The following CBL variants were observed in gnomAD, a reference collection of about 807,000 sequenced individuals.
CBL encodes the protein Cbl proto-oncogene.
Under a neutral mutation model 96.9 loss-of-function variants are expected in CBL, and 45 were observed. The observed-to-expected ratio is 0.46, with a 90% CI of 0.37 to 0.60. CBL has a LOEUF of 0.60. Among genes scored for constraint, CBL ranks in the 20% least tolerant of loss-of-function variants. CBL has a pLI of 0.00. For missense variants in CBL, 1,024 were observed against 1,143.5 expected, an observed-to-expected ratio of 0.90 and a Z score of 1.51; for synonymous variants, 420 against 426.8, an observed-to-expected ratio of 0.98 and a Z score of 0.20.
At chr11:119,244,599 T>TTTTTTTTTTTTTTTTTTTG in intron 2 of CBL, among the ~76,000 whole-genome samples, 1 of 148,242 alleles carries the variant, frequency 6.7e-6, no homozygotes, top group African/African-American at 2.5e-5. Context: ...TTTTTTTTTT[T>TTTTTTTTTTTTTTTTTTTG]GAGACGGAGT....
At chr11:119,236,622 T>TAC (rs1555226924) in intron 2 of CBL, among the ~76,000 whole-genome samples, 37 of 144,308 alleles carry the variant, frequency 2.6e-4, no homozygotes, top group Admixed American at 9.8e-4. Flanking sequence ...TATATATATA[T>TAC]ACCCATAGGA....
At chr11:119,273,813 G>T in intron 3 of CBL, 55 bp from the exon 4 acceptor site, 2 of 1,491,376 alleles carry the variant, frequency 1.3e-6, no homozygotes, top group East Asian at 2.3e-5. Flanking sequence ...TTATGGCGAT[G>T]CCTGGAATTA....
intron 2 of CBL, among the ~76,000 whole-genome samples, chr11:119,262,366 T>C (rs1949760893): frequency 6.6e-6 from 1 of 152,188 alleles, no homozygotes; most frequent in African/African-American, 2.4e-5. Context: ...TGGAAAAAAC[T>C]GGTGAAGCCT....
Position 119,274,731 on chromosome 11 carries a change from CAATG to C in CBL, c.748-98_748-95del, listed in dbSNP as rs1216472778. The C allele has an allele frequency of 1.4e-5, 16 of 1,116,400 alleles. No homozygotes were observed. The East Asian group carries it at 3.5e-4, about 25-fold the overall frequency. The allele number at this position is 1,116,400 out of a possible 1,614,324, so 69.2% of individuals were successfully genotyped here. On this transcript the variant is annotated intron_variant, in intron 4 of 15. Transcript: ENST00000264033. ...TGATGGTATAATTAAAAATTTCTGA[CAATG>C]AACTGAGAGTTGGTGTTGTTTTTTT...
At chr11:119,219,814 G>C (rs969758325) in intron 1 of CBL, among the ~76,000 whole-genome samples, 1 of 150,740 alleles carries the variant, frequency 6.6e-6, no homozygotes, top group Admixed American at 6.6e-5. Flanking sequence ...CTCCCAAGTA[G>C]CTGGGATTAT....
intron 1 of CBL, among the ~76,000 whole-genome samples, chr11:119,227,268 G>C (rs1414196337): frequency 6.6e-6 from 1 of 152,122 alleles, no homozygotes; most frequent in Non-Finnish European, 1.5e-5. Flanking sequence ...GTTTAAGGTA[G>C]GCTAGCTAAG....
intron 2 of CBL, among the ~76,000 whole-genome samples, chr11:119,266,956 G>A (rs928998285): frequency 3.3e-5 from 5 of 152,150 alleles, no homozygotes; most frequent in African/African-American, 9.7e-5. Context: ...GTGAGTTAAG[G>A]TAACTGCTGA....
At chr11:119,283,746 T>C (rs1949958107) in intron 9 of CBL, among the ~76,000 whole-genome samples, 1 of 143,848 alleles carries the variant, frequency 7.0e-6, no homozygotes, top group South Asian at 2.3e-4. Context: ...CATGCCATTC[T>C]CCTGCCTCAG....
chr11:119,293,843 G>C (rs868373571), intron 12 of CBL, among the ~76,000 whole-genome samples: 1 of 152,174 alleles, frequency 6.6e-6, no homozygotes, highest in African/African-American at 2.4e-5. Context: ...CTTGTAACCA[G>C]GCATCAGCAT....
intron 2 of CBL, among the ~76,000 whole-genome samples, chr11:119,264,428 C>CTTCTCTTCTCTTCTCTTCTCTTCTCTTCT (rs1565868319): frequency 1.2e-4 from 13 of 105,826 alleles, no homozygotes; most frequent in Non-Finnish European, 1.7e-4. Context: ...CTTCTCTTCT[C>CTTCTCTTCTCTTCTCTTCTCTTCTCTTCT]TTCTCTTCTC....
chr11:119,208,083 T>G (rs1213682519), intron 1 of CBL, among the ~76,000 whole-genome samples: 1 of 152,204 alleles, frequency 6.6e-6, no homozygotes, highest in Non-Finnish European at 1.5e-5. Flanking sequence ...ATTGGTGGTG[T>G]AGTACTAATT....
At chr11:119,273,189 C>T (rs1176037676) in intron 3 of CBL, among the ~76,000 whole-genome samples, 9 of 152,102 alleles carry the variant, frequency 5.9e-5, no homozygotes, top group Non-Finnish European at 1.5e-5. Context: ...AAGTCCTGGC[C>T]TCAAATAATC....
intron 2 of CBL, among the ~76,000 whole-genome samples, chr11:119,269,971 C>T (rs1417533680): frequency 1.3e-5 from 2 of 151,746 alleles, no homozygotes; most frequent in African/African-American, 2.4e-5. Context: ...CACTCCAGCC[C>T]AGGCGACAGA....
chr11:119,232,691 C>T lies in CBL; in HGVS notation c.439C>T (p.Pro147Ser). The change falls in exon 2 of 16, where the codon CCT (proline) becomes TCT (serine). Residue 147 changes from proline (P) to serine (S), a missense_variant. By Grantham distance (74) the Pro-to-Ser change is moderately conservative. Coordinates refer to ENST00000264033, the MANE Select transcript of CBL (RefSeq NM_005188.4). ...KERMYEENSQ[P>S]RRNLTKLSLI... ...AAGAATGTATGAGGAGAATTCTCAG[C>T]CTAGGTAATGGAGAAATACTACACA... is the stretch of plus-strand genomic sequence containing the variant. 1 of 1,612,860 alleles carries T rather than the reference C, an allele frequency of 6.2e-7. No homozygotes were observed. The highest frequency in any genetic ancestry group is 8.5e-7 in the Non-Finnish European group (1 of 1,179,680).
At chr11:119,215,878 A>G (rs1431664512) in intron 1 of CBL, among the ~76,000 whole-genome samples, 3 of 152,196 alleles carry the variant, frequency 2.0e-5, no homozygotes, top group African/African-American at 4.8e-5. Flanking sequence ...ACAAGTCACT[A>G]TGAAATATTT....
intron 2 of CBL, among the ~76,000 whole-genome samples, chr11:119,264,091 C>G (rs922338481): frequency 1.3e-5 from 2 of 152,170 alleles, no homozygotes; most frequent in African/African-American, 4.8e-5. Context: ...TGTTTTACAG[C>G]TTTTTTGTTA....
At position 119,271,653 on chromosome 11, in the gene CBL, A is replaced by G. The variant is rs552662315; in HGVS notation, c.444-82A>G. On this transcript the variant is annotated intron_variant, in intron 2 of 15. Transcript: ENST00000264033. ...ATGTATTTTAATATTCATGTTAATT[A>G]TACATCTTGTATGGTGAATTTGGTG... The G allele has an allele frequency of 8.0e-6, 9 of 1,124,364 alleles. No homozygotes were observed. The African/African-American group carries it at 9.3e-5, about 12-fold the overall frequency. The allele number at this position is 1,124,364 out of a possible 1,614,324, so 69.6% of individuals were successfully genotyped here. A position where few individuals can be genotyped will look rare whatever the true frequency, so the allele number is the denominator to read the frequency against.
rs1261656405 is a variant in CBL at position 119,269,003 on chromosome 11, G to A, written c.444-2732G>A. Among the ~76,000 whole-genome samples, 4 of 152,210 alleles carry A rather than the reference G, an allele frequency of 2.6e-5. No homozygotes were observed. In the East Asian group the frequency reaches 7.7e-4, roughly 29 times the overall value. On this transcript the variant is annotated intron_variant, in intron 2 of 15. Coordinates refer to ENST00000264033, the MANE Select transcript of CBL (RefSeq NM_005188.4). Reference sequence around the variant, plus strand: ...ATGTTATGTAGATGTAGATGTCTGAGCCACAGGCTGCTGATTGTGCAGTCT... The same window carrying A: ...ATGTTATGTAGATGTAGATGTCTGAACCACAGGCTGCTGATTGTGCAGTCT...
chr11:119,304,712 T>A lies in CBL; in HGVS notation c.*4931T>A, dbSNP rs2510145. On this transcript the variant is annotated 3_prime_UTR_variant, in exon 16 of 16. Coordinates refer to ENST00000264033, the MANE Select transcript of CBL (RefSeq NM_005188.4). ...TGCAGTCTCAACTCACCACAACCTC[T>A]GCCTCCCAGGTTCAAGCAGTTCTCT... is the stretch of plus-strand genomic sequence containing the variant. The A allele has an allele frequency of 4.9e-6, 1 of 202,690 alleles. No homozygotes were observed. Among genetic ancestry groups the A allele is most frequent in the Non-Finnish European group, 1.0e-5 (1 of 98,704 alleles). 12.6% of individuals were successfully genotyped at this position (202,690 alleles called of 1,614,324 possible). A position where few individuals can be genotyped will look rare whatever the true frequency, so the allele number is the denominator to read the frequency against.
Sources: allele counts gnomAD v4.1 joint callset (sites outside exome capture counted in the v4.1 genomes callset), GRCh38; gene constraint gnomAD v4.1.1; transcripts MANE v1.5; gene names NCBI Gene and HGNC (gene_info 2026-07-23, HGNC 2026-07-21).